Variants in GATA4 observed in about 807,000 individuals in gnomAD.
GATA4 encodes the protein GATA binding protein 4.
A neutral mutation model predicts 37.9 loss-of-function variants in GATA4; 7 were observed. The ratio of observed to expected loss-of-function variants is 0.18; its 90% confidence interval spans 0.11 to 0.35. The LOEUF (loss-of-function observed/expected upper bound fraction) is 0.35, where lower values mean the gene tolerates loss of function less well. GATA4 is among the 10% of genes least tolerant of loss of function. GATA4 has a pLI of 1.00. For synonymous variants in GATA4, 372 were observed against 292.6 expected (o/e 1.27, Z -2.77); for missense variants, 647 against 653.0 (o/e 0.99, Z 0.10).
chr8:11,750,562 T>C (rs1358478199), intron 4 of GATA4, among the ~76,000 whole-genome samples: 1 of 152,196 alleles, frequency 6.6e-6, no homozygotes, highest in Admixed American at 6.5e-5. Flanking sequence ...AAGGAAAGCA[T>C]GACCTCTACC....
chr8:11,751,928 G>A (rs1194623936), intron 4 of GATA4, among the ~76,000 whole-genome samples: 1 of 152,140 alleles, frequency 6.6e-6, no homozygotes, highest in Admixed American at 6.5e-5. Context: ...ATATCTGGCA[G>A]GTCTACTGTT....
chr8:11,697,099 C>A (rs1168865830), intron 1 of GATA4, among the ~76,000 whole-genome samples: 1 of 152,226 alleles, frequency 6.6e-6, no homozygotes, highest in South Asian at 2.1e-4. Context: ...GCGGAGGGCT[C>A]CATTTCACTG....
intron 2 of GATA4, among the ~76,000 whole-genome samples, chr8:11,725,572 G>C (rs1454769146): frequency 6.6e-6 from 1 of 152,204 alleles, no homozygotes; most frequent in South Asian, 2.1e-4. Flanking sequence ...AGAGTGCTTG[G>C]GTTTTACTGC....
intron 2 of GATA4, among the ~76,000 whole-genome samples, chr8:11,717,296 G>A (rs1469528528): frequency 2.0e-5 from 3 of 152,172 alleles, no homozygotes; most frequent in Non-Finnish European, 4.4e-5. Flanking sequence ...GCACATTCAC[G>A]TTTGGATACT....
At chr8:11,713,461 C>T (rs1212929680) in intron 2 of GATA4, among the ~76,000 whole-genome samples, 2 of 151,970 alleles carry the variant, frequency 1.3e-5, no homozygotes, top group Non-Finnish European at 2.9e-5. Flanking sequence ...CACAGAATGG[C>T]TGCGTGAGTC....
At chr8:11,681,260 C>A in intron 1 of GATA4, 1 of 985,416 alleles carries the variant, frequency 1.0e-6, no homozygotes, top group Non-Finnish European at 1.2e-6. Flanking sequence ...CTGGGAGCGA[C>A]TGGATTCCCA....
intron 2 of GATA4, among the ~76,000 whole-genome samples, chr8:11,724,925 C>T (rs1013528934): frequency 2.6e-5 from 4 of 152,244 alleles, no homozygotes; most frequent in Admixed American, 2.6e-4. Flanking sequence ...CTCCTGTAGC[C>T]ACAGTGTGAA....
Position 11,709,027 on chromosome 8 carries a change from G to A in GATA4, c.616+99G>A. On this transcript the variant is annotated intron_variant, in intron 2 of 6. Coordinates refer to ENST00000532059, the MANE Select transcript of GATA4 (RefSeq NM_001308093.3). The surrounding 1 kb of genome is among the most constrained non-coding windows in gnomAD (Gnocchi z 4.3). The stretch of plus-strand genomic sequence containing the variant: ...TTGTTTTTCCACCAACGCCTTCGTT[G>A]GGCTGGGGATGGTGCTTCACTACCT... 1 of 1,258,598 alleles carries A rather than the reference G, an allele frequency of 7.9e-7. No homozygotes were observed. 78.0% of individuals were successfully genotyped at this position (1,258,598 alleles called of 1,614,324 possible). A position where few individuals can be genotyped will look rare whatever the true frequency, so the allele number is the denominator to read the frequency against.
chr8:11,715,031 A>C (rs1800376181), intron 2 of GATA4, among the ~76,000 whole-genome samples: 1 of 152,212 alleles, frequency 6.6e-6, no homozygotes, highest in Non-Finnish European at 1.5e-5. Flanking sequence ...AAATAATCTA[A>C]ATGTGCATCC....
At chr8:11,742,076 T>G (rs556449590) in intron 2 of GATA4, among the ~76,000 whole-genome samples, 13 of 152,262 alleles carry the variant, frequency 8.5e-5, no homozygotes, top group African/African-American at 2.9e-4. Flanking sequence ...CATCCTCTCC[T>G]GGACCAGCCT....
intron 2 of GATA4, among the ~76,000 whole-genome samples, chr8:11,747,028 A>C (rs1351890934): frequency 2.0e-5 from 3 of 152,208 alleles, no homozygotes; most frequent in African/African-American, 4.8e-5. Context: ...CCACATAACT[A>C]GCAAAATGCG....
chr8:11,692,453 C>G (rs1799343971), upstream of GATA4: 1 of 905,518 alleles, frequency 1.1e-6, no homozygotes, highest in Non-Finnish European at 1.3e-6. Context: ...CGAATGAACC[C>G]TAATAGAATA....
At chr8:11,747,329 T>G (rs374931026) in intron 2 of GATA4, among the ~76,000 whole-genome samples, 2 of 152,188 alleles carry the variant, frequency 1.3e-5, no homozygotes, top group South Asian at 2.1e-4. Context: ...TGGACACAGG[T>G]GGAATCTGTC....
intron 1 of GATA4, among the ~76,000 whole-genome samples, chr8:11,704,974 G>A (rs993408593): frequency 3.9e-5 from 6 of 152,374 alleles, no homozygotes; most frequent in African/African-American, 1.4e-4. Context: ...AGCCCGGACC[G>A]GAGCCGTGAC....
chr8:11,743,931 G>C (rs1449095508), intron 2 of GATA4, among the ~76,000 whole-genome samples: 1 of 152,162 alleles, frequency 6.6e-6, no homozygotes, highest in Non-Finnish European at 1.5e-5. Context: ...TGAAGAGTGA[G>C]ATCCCCATCC....
chr8:11,758,629 G>C lies in GATA4; in HGVS notation c.*154G>C. 1 of 754,308 alleles carries C rather than the reference G, an allele frequency of 1.3e-6. No individual in the cohort carries two copies. The highest frequency in any genetic ancestry group is 1.5e-5 in the South Asian group (1 of 65,820). The allele number at this position is 754,308 out of a possible 1,614,324, so 46.7% of individuals were successfully genotyped here. A position where few individuals can be genotyped will look rare whatever the true frequency, so the allele number is the denominator to read the frequency against. On this transcript the variant is annotated 3_prime_UTR_variant, in exon 7 of 7. Transcript: ENST00000532059. Reference sequence around the variant, plus strand: ...AAACTTGAAGTCGACAATCTGGTTAGGGGAAGCGGGTGTTGGATTTTCTCA... The same window carrying C: ...AAACTTGAAGTCGACAATCTGGTTACGGGAAGCGGGTGTTGGATTTTCTCA...
At chr8:11,757,596 G>C (rs563335967) in intron 6 of GATA4, among the ~76,000 whole-genome samples, 1 of 152,342 alleles carries the variant, frequency 6.6e-6, no homozygotes, top group East Asian at 1.9e-4. Flanking sequence ...GCTGGCATGG[G>C]GAAAGGCCTG....
chr8:11,689,266 C>G (rs1799238758), upstream of GATA4, among the ~76,000 whole-genome samples: 1 of 152,238 alleles, frequency 6.6e-6, no homozygotes, highest in South Asian at 2.1e-4. Flanking sequence ...AAGACATTCA[C>G]TCAAAATCCT....
chr8:11,720,366 C>T (rs1042604382), intron 2 of GATA4, among the ~76,000 whole-genome samples: 1 of 152,068 alleles, frequency 6.6e-6, no homozygotes, highest in Non-Finnish European at 1.5e-5. Context: ...TCATGCTTGC[C>T]TGTGTCAGGT....
Sources: allele counts gnomAD v4.1 joint callset (sites outside exome capture counted in the v4.1 genomes callset), GRCh38; gene constraint gnomAD v4.1.1; non-coding constraint Gnocchi (gnomAD v3.1); transcripts MANE v1.5; gene names NCBI Gene and HGNC (gene_info 2026-07-23, HGNC 2026-07-21).